Variants in AZIN2 observed in about 807,000 individuals in gnomAD.
AZIN2 encodes the protein antizyme inhibitor 2.
A neutral mutation model predicts 47.8 loss-of-function variants in AZIN2; 28 were observed. The ratio of observed to expected loss-of-function variants is 0.59; its 90% confidence interval spans 0.43 to 0.80. AZIN2 has a LOEUF of 0.80. Ranked by LOEUF, AZIN2 falls within the 30% of genes least tolerant of loss-of-function variation. AZIN2 has a pLI of 0.00. For missense variants in AZIN2, 535 were observed against 582.5 expected (o/e 0.92, Z 0.84); for synonymous variants, 221 against 239.4 (o/e 0.92, Z 0.71).
chr1:33,158,477 T>C, the AZIN2 span: 1 of 802,232 alleles, frequency 1.2e-6, no homozygotes, highest in Non-Finnish European at 2.1e-6. Flanking sequence ...TGGTCATGAG[T>C]GAGAAGTCTG....
At chr1:33,136,803 C>A in the AZIN2 span, among the ~76,000 whole-genome samples, 6 of 151,514 alleles carry the variant, frequency 4.0e-5, no homozygotes, top group Non-Finnish European at 7.4e-5. Context: ...CCGAGACCAG[C>A]CTGGCCAATA....
At chr1:33,118,513 AGAGG>A (rs369154473) in intron 11 of AZIN2, 48 of 169,228 alleles carry the variant, frequency 2.8e-4, no homozygotes, top group Middle Eastern at 2.9e-3. Flanking sequence ...CTGTGACTGC[AGAGG>A]GAGGCAGGGC....
intron 10 of AZIN2, among the ~76,000 whole-genome samples, chr1:33,099,400 T>C (rs1643475535): frequency 6.6e-6 from 1 of 152,208 alleles, no homozygotes; most frequent in African/African-American, 2.4e-5. Flanking sequence ...TGAGGAATGC[T>C]GAGCTCTCTA....
chr1:33,158,862 CAG>C, the AZIN2 span, among the ~76,000 whole-genome samples: 1 of 150,306 alleles, frequency 6.7e-6, no homozygotes, highest in Non-Finnish European at 1.5e-5. Flanking sequence ...TTTTTTGAGA[CAG>C]AGTTTCGCTC....
At chr1:33,149,054 C>T in the AZIN2 span, among the ~76,000 whole-genome samples, 1 of 152,212 alleles carries the variant, frequency 6.6e-6, no homozygotes, top group Non-Finnish European at 1.5e-5. Flanking sequence ...GCAACCACCC[C>T]CAGAGGCTCA....
At chr1:33,145,979 G>A in the AZIN2 span, 1 of 467,728 alleles carries the variant, frequency 2.1e-6, no homozygotes. Flanking sequence ...TGGGAGAGGG[G>A]CAGGCCTCAG....
At chr1:33,101,337 C>T (rs1423340106) in intron 10 of AZIN2, among the ~76,000 whole-genome samples, 1 of 152,126 alleles carries the variant, frequency 6.6e-6, no homozygotes, top group Non-Finnish European at 1.5e-5. Context: ...CTGTGCCTGG[C>T]CCCCACCCTC....
the AZIN2 span, among the ~76,000 whole-genome samples, chr1:33,159,298 G>T: frequency 6.6e-6 from 1 of 151,938 alleles, no homozygotes; most frequent in Admixed American, 6.6e-5. This position sits in a 1 kb window ranked among gnomAD's most constrained non-coding sequence, Gnocchi z 4.2. Context: ...TTTATATTAT[G>T]ATTGTAAACA....
At chr1:33,166,703 A>G in the AZIN2 span, among the ~76,000 whole-genome samples, 1 of 152,168 alleles carries the variant, frequency 6.6e-6, no homozygotes. Flanking sequence ...GCCAGGTGAC[A>G]CGTTTTCTAC....
chr1:33,115,094 T>G (rs1374197438), intron 10 of AZIN2, among the ~76,000 whole-genome samples: 1 of 152,210 alleles, frequency 6.6e-6, no homozygotes, highest in Non-Finnish European at 1.5e-5. Flanking sequence ...AGGCTCCTTG[T>G]CTGGGACTGC....
chr1:33,093,263 G>T lies in AZIN2; in HGVS notation c.453-19G>T, dbSNP rs763547098. On this transcript the variant is annotated intron_variant, in intron 6 of 11. Coordinates refer to ENST00000294517, the MANE Select transcript of AZIN2 (RefSeq NM_052998.4). ...GCGACAGGGTTTGTCCAGCAGAGGG[G>T]CACTGCGTGTCTCATCAGGATGGTT... The T allele has an allele frequency of 4.3e-5, 69 of 1,612,948 alleles. No individual in the cohort carries two copies. Among genetic ancestry groups the T allele is most frequent in the Non-Finnish European group, 5.5e-5 (65 of 1,179,470 alleles).
chr1:33,159,451 T>C, the AZIN2 span, among the ~76,000 whole-genome samples: 1 of 152,190 alleles, frequency 6.6e-6, no homozygotes, highest in Admixed American at 6.5e-5. This position sits in a 1 kb window ranked among gnomAD's most constrained non-coding sequence, Gnocchi z 4.2. Context: ...GGCTGCCCTC[T>C]AGATGGTTTT....
chr1:33,122,867 A>C lies in AZIN2; in HGVS notation c.*2685A>C, dbSNP rs1644820616. 6.6e-6 allele frequency among the ~76,000 whole-genome samples: 1 copy of C among 151,876 alleles called. No individual in the cohort carries two copies. The highest frequency in any genetic ancestry group is 1.5e-5 in the Non-Finnish European group (1 of 67,954). Reference sequence around the variant, plus strand: ...CAGATCTGAGCTTCCATCTTCTCATACTCAGGACTGGCCCCTTCTTCCCCT... The same window carrying C: ...CAGATCTGAGCTTCCATCTTCTCATCCTCAGGACTGGCCCCTTCTTCCCCT... On this transcript the variant is annotated 3_prime_UTR_variant, in exon 12 of 12. Coordinates refer to ENST00000294517, the MANE Select transcript of AZIN2 (RefSeq NM_052998.4).
chr1:33,134,696 T>C, the AZIN2 span, among the ~76,000 whole-genome samples: 3 of 152,214 alleles, frequency 2.0e-5, no homozygotes, highest in South Asian at 6.2e-4. Flanking sequence ...TTTCTCTTGG[T>C]GCTAGGAGTA....
chr1:33,151,737 C>T, the AZIN2 span, among the ~76,000 whole-genome samples: 76 of 152,348 alleles, frequency 5.0e-4, no homozygotes, highest in African/African-American at 1.8e-3. Flanking sequence ...TTCATTTAAG[C>T]ATCTCTGAGA....
chr1:33,132,908 A>G, the AZIN2 span, among the ~76,000 whole-genome samples: 1 of 152,238 alleles, frequency 6.6e-6, no homozygotes, highest in Non-Finnish European at 1.5e-5. Flanking sequence ...TACTTCAGAA[A>G]AGCATGGGGG....
chr1:33,157,179 C>T, the AZIN2 span, among the ~76,000 whole-genome samples: 1 of 152,174 alleles, frequency 6.6e-6, no homozygotes, highest in Non-Finnish European at 1.5e-5. Flanking sequence ...TACAGACCCT[C>T]GTGGTGTCTG....
At chr1:33,146,912 GGTT>G in the AZIN2 span, 1 of 502,394 alleles carries the variant, frequency 2.0e-6, no homozygotes, top group South Asian at 2.4e-5. Context: ...GTTGGGCAGG[GGTT>G]GCCCTGAGGA....
At chr1:33,148,926 G>A in the AZIN2 span, among the ~76,000 whole-genome samples, 186 of 152,248 alleles carry the variant, frequency 1.2e-3, 1 homozygote, top group African/African-American at 4.2e-3. Context: ...AACCAAGGTC[G>A]TCTGCAATCT....
Sources: gnomAD v4.1 joint callset for allele counts (sites outside exome capture counted in the v4.1 genomes callset) on GRCh38, gnomAD v4.1.1 for gene constraint, Gnocchi (gnomAD v3.1) non-coding constraint, MANE v1.5 for transcripts, NCBI Gene and HGNC (gene_info 2026-07-23, HGNC 2026-07-21) for gene names.